Variants in WWOX observed in about 807,000 individuals in gnomAD.
The protein encoded by WWOX is WW domain-containing oxidoreductase.
In WWOX, 69 loss-of-function variants were observed where a neutral mutation model predicts 46.2. The observed-to-expected ratio is 1.49, with a 90% confidence interval of 1.23 to 1.82. The LOEUF (loss-of-function observed/expected upper bound fraction) is 1.82. Ranked by LOEUF, WWOX falls within the 40% of genes most tolerant of loss-of-function variation. The pLI is 0.00. For missense variants in WWOX, 919 were observed against 542.6 expected (o/e 1.69, Z -6.89); for synonymous variants, 359 against 202.6 (o/e 1.77, Z -6.56).
chr16:79,057,638 C>T (rs940235737), intron 8 of WWOX, among the ~76,000 whole-genome samples: 2 of 152,042 alleles, frequency 1.3e-5, no homozygotes, highest in African/African-American at 4.8e-5. Flanking sequence ...TTGGATTTGT[C>T]TCAAGGTCCT....
intron 8 of WWOX, among the ~76,000 whole-genome samples, chr16:78,705,743 G>A (rs543542682): frequency 2.0e-4 from 30 of 152,118 alleles, no homozygotes; most frequent in Admixed American, 9.2e-4. Flanking sequence ...GTGTAATGCT[G>A]TATGTACCAT....
intron 8 of WWOX, among the ~76,000 whole-genome samples, chr16:78,859,637 A>G (rs1401656926): frequency 6.6e-6 from 1 of 152,170 alleles, no homozygotes; most frequent in East Asian, 1.9e-4. Context: ...CCTAAAACTC[A>G]TGATCTTCTG....
At chr16:78,441,881 A>G (rs981907005) in intron 8 of WWOX, among the ~76,000 whole-genome samples, 4 of 151,960 alleles carry the variant, frequency 2.6e-5, no homozygotes, top group African/African-American at 7.2e-5. Context: ...CTCAATAACC[A>G]TTATTGCTGT....
At chr16:78,800,248 A>C (rs76506492) in intron 8 of WWOX, among the ~76,000 whole-genome samples, 3 of 71,728 alleles carry the variant, frequency 4.2e-5, no homozygotes, top group African/African-American at 1.9e-4. Flanking sequence ...GTTCCATGGC[A>C]AAAAAAAAAA....
At chr16:78,193,444 G>T (rs996844535) in intron 5 of WWOX, among the ~76,000 whole-genome samples, 2 of 89,156 alleles carry the variant, frequency 2.2e-5, no homozygotes, top group African/African-American at 9.8e-5. Flanking sequence ...ATCTGAGTCA[G>T]GAAAACATTA....
chr16:78,127,305 A>G (rs1337794781), intron 4 of WWOX, among the ~76,000 whole-genome samples: 1 of 152,066 alleles, frequency 6.6e-6, no homozygotes, highest in Non-Finnish European at 1.5e-5. Context: ...AGGCAAGAGG[A>G]TCGAGTTACC....
intron 8 of WWOX, among the ~76,000 whole-genome samples, chr16:78,808,644 T>G (rs2051105076): frequency 6.6e-6 from 1 of 152,196 alleles, no homozygotes; most frequent in African/African-American, 2.4e-5. Context: ...CAGAAAAACA[T>G]GCCATCATCT....
chr16:78,286,246 C>T (rs2079764468), intron 5 of WWOX, among the ~76,000 whole-genome samples: 1 of 152,238 alleles, frequency 6.6e-6, no homozygotes, highest in Non-Finnish European at 1.5e-5. Flanking sequence ...CACCCAGTTA[C>T]AGGAGATCAG....
At chr16:79,084,127 T>C (rs2048812137) in intron 8 of WWOX, among the ~76,000 whole-genome samples, 1 of 152,062 alleles carries the variant, frequency 6.6e-6, no homozygotes, top group African/African-American at 2.4e-5. Context: ...AAGGAGCTGA[T>C]TGAGGAGACC....
At chr16:78,657,643 T>C (rs1303581406) in intron 8 of WWOX, among the ~76,000 whole-genome samples, 6 of 152,182 alleles carry the variant, frequency 3.9e-5, no homozygotes, top group Admixed American at 3.9e-4. Flanking sequence ...CAGATTTTAG[T>C]CCCCTCTTGA....
chr16:78,749,237 A>C (rs911326856), intron 8 of WWOX, among the ~76,000 whole-genome samples: 3 of 152,156 alleles, frequency 2.0e-5, no homozygotes, highest in African/African-American at 7.2e-5. Context: ...CACCTACATC[A>C]TAGGTAGATC....
At chr16:78,654,097 G>A (rs2047027002) in intron 8 of WWOX, among the ~76,000 whole-genome samples, 1 of 152,152 alleles carries the variant, frequency 6.6e-6, no homozygotes, top group Non-Finnish European at 1.5e-5. Context: ...CCTAAATCCA[G>A]GTAGAGAGAA....
chr16:78,266,824 C>CTCTCTCTCTCTCTCTCTG (rs2079375027), intron 5 of WWOX, among the ~76,000 whole-genome samples: 1 of 146,588 alleles, frequency 6.8e-6, no homozygotes, highest in African/African-American at 2.5e-5. Context: ...CTCTCTCTCT[C>CTCTCTCTCTCTCTCTCTG]TGTCTCCCTC....
intron 8 of WWOX, among the ~76,000 whole-genome samples, chr16:79,074,608 T>G (rs2150571819): frequency 1.3e-5 from 2 of 151,834 alleles, no homozygotes; most frequent in East Asian, 3.9e-4. Context: ...CTTTATAAGC[T>G]AGGAATACTA....
intron 5 of WWOX, among the ~76,000 whole-genome samples, chr16:78,228,300 A>C (rs1361374482): frequency 3.3e-5 from 5 of 150,606 alleles, no homozygotes; most frequent in Admixed American, 3.3e-4. Context: ...TTTTCTCCTC[A>C]GTAGACATTT....
In WWOX at chr16:78,859,000, TTAAAAAAA is replaced by T. The variant is rs1405103318; in HGVS notation, c.1057-352607_1057-352600del. Reference sequence around the variant, plus strand: ...GGCCAATATCTACTAGTTTTGAAATTTAAAAAAAAAAAAAAAAAAAAAAAAAAATATAT... The same window carrying T: ...GGCCAATATCTACTAGTTTTGAAATTAAAAAAAAAAAAAAAAAAAATATAT... On this transcript the variant is annotated intron_variant, in intron 8 of 8. Transcript: ENST00000566780. 5.7e-3 allele frequency among the ~76,000 whole-genome samples: 455 copies of T among 79,628 alleles called. 7 individuals carry two copies. Among genetic ancestry groups the T allele is most frequent in the Middle Eastern group, 0.014 (2 of 144 alleles). 52.2% of individuals were successfully genotyped at this position (79,628 alleles called of 152,430 possible).
At chr16:78,701,300 C>T (rs1258854495) in intron 8 of WWOX, among the ~76,000 whole-genome samples, 1 of 152,118 alleles carries the variant, frequency 6.6e-6, no homozygotes, top group Non-Finnish European at 1.5e-5. Context: ...TGATCTCAAA[C>T]TCCTAAGCTT....
chr16:78,295,098 C>T (rs1023945255), intron 5 of WWOX, among the ~76,000 whole-genome samples: 1 of 152,120 alleles, frequency 6.6e-6, no homozygotes, highest in Admixed American at 6.5e-5. Context: ...GTGGTTAAAT[C>T]TTGGAGGAAA....
chr16:78,361,654 C>T (rs1199001156), intron 5 of WWOX, among the ~76,000 whole-genome samples: 1 of 152,090 alleles, frequency 6.6e-6, no homozygotes, highest in East Asian at 1.9e-4. Context: ...TCCTGTCGCC[C>T]AGGCTGGAGT....
Sources: gnomAD v4.1 joint callset for allele counts (sites outside exome capture counted in the v4.1 genomes callset) on GRCh38, gnomAD v4.1.1 for gene constraint, MANE v1.5 for transcripts, NCBI Gene and HGNC (gene_info 2026-07-23, HGNC 2026-07-21) for gene names.